Variants in MAPKBP1 observed in about 807,000 individuals in gnomAD.
MAPKBP1 encodes mitogen-activated protein kinase-binding protein 1.
Under a neutral mutation model 170.5 loss-of-function variants are expected in MAPKBP1, and 71 were observed. That is an observed-to-expected ratio of 0.42 (90% CI 0.34 to 0.51). The LOEUF is 0.51. Among genes scored for constraint, MAPKBP1 ranks in the 20% least tolerant of loss-of-function variants. The pLI, the probability that MAPKBP1 is intolerant of heterozygous loss-of-function variation, is 0.06. For missense variants in MAPKBP1, 1,598 were observed against 1,933.0 expected (o/e 0.83, Z 3.25); for synonymous variants, 719 against 757.9 (o/e 0.95, Z 0.84).
intron 2 of MAPKBP1, 115 bp downstream of exon 2, chr15:41,775,504 G>A (rs1266186643): frequency 1.4e-6 from 1 of 724,316 alleles, no homozygotes; most frequent in Non-Finnish European, 2.4e-6. Flanking sequence ...GACTCTAAAG[G>A]ATCACATATG....
chr15:41,819,555 G>GGGGGGGGGGGGGC, intron 21 of MAPKBP1, 40 bp from the exon 22 acceptor site: 1 of 1,478,514 alleles, frequency 6.8e-7, no homozygotes, highest in South Asian at 1.2e-5. Flanking sequence ...GGCGGGGGGG[G>GGGGGGGGGGGGGC]GGCAGGAGAC....
intron 22 of MAPKBP1, 30 bp from the exon 23 acceptor site, chr15:41,820,802 A>G: frequency 6.5e-7 from 1 of 1,540,088 alleles, no homozygotes; most frequent in Non-Finnish European, 9.0e-7. Context: ...GGTTGTTGTT[A>G]CTCCTCCCCC....
chr15:41,780,246 A>T (rs2064162576), intron 2 of MAPKBP1, among the ~76,000 whole-genome samples: 1 of 152,122 alleles, frequency 6.6e-6, no homozygotes, highest in South Asian at 2.1e-4. Context: ...GGTATTTTGA[A>T]TGTCTTTCAT....
intron 3 of MAPKBP1, among the ~76,000 whole-genome samples, chr15:41,801,151 G>A (rs1378442633): frequency 6.6e-6 from 1 of 152,210 alleles, no homozygotes; most frequent in Non-Finnish European, 1.5e-5. Context: ...TTCTTCAGTT[G>A]ATGGACATTT....
chr15:41,788,104 C>T (rs988467825), intron 2 of MAPKBP1, among the ~76,000 whole-genome samples: 3 of 151,968 alleles, frequency 2.0e-5, no homozygotes, highest in East Asian at 1.9e-4. Flanking sequence ...ATTACAGGCA[C>T]GTACCACCAT....
rs1169306720 is a variant in MAPKBP1, at chr15:41,817,250, G to A, written c.1712-138G>A. On this transcript the variant is annotated intron_variant, in intron 14 of 30. Transcript: ENST00000457542. This position sits in a 1 kb window ranked among gnomAD's most constrained non-coding sequence, Gnocchi z 4.2. ...GAGGATAAGGAGACAGGAAAACCTGGGTTTCCAGGTTTAATTTAGTTGGTT... is the reference window on the plus strand; with the variant it reads ...GAGGATAAGGAGACAGGAAAACCTGAGTTTCCAGGTTTAATTTAGTTGGTT... The A allele has an allele frequency of 2.5e-6, 3 of 1,191,926 alleles. No individual in the cohort carries two copies. Among genetic ancestry groups the A allele is most frequent in the Middle Eastern group, 2.0e-4 (1 of 5,116 alleles). The allele number at this position is 1,191,926 out of a possible 1,614,324, so 73.8% of individuals were successfully genotyped here.
At position 41,812,002 on chromosome 15, in the gene MAPKBP1, A is replaced by G. The variant is rs1432605677; in HGVS notation, c.373A>G (p.Ser125Gly). The G allele has an allele frequency of 1.2e-6, 2 of 1,613,982 alleles. No individual in the cohort carries two copies. Among genetic ancestry groups the G allele is most frequent in the African/African-American group, 1.3e-5 (1 of 74,894 alleles). The stretch of plus-strand genomic sequence containing the variant: ...GCGGGTTTGGGACGTGGCAGAGCAC[A>G]GCCAGGTGGCCGAGCTGCAGGAGCA... ...AVRVWDVAEHSQVAELQEHKY... is the reference protein window; with the variant it reads ...AVRVWDVAEHGQVAELQEHKY... The change falls in exon 6 of 31, where the codon AGC becomes GGC. Residue 125 changes from serine (S) to glycine (G), a missense_variant. Ser to Gly is a moderately conservative substitution (Grantham distance 56). This residue lies in a region of MAPKBP1 where 151 missense variants were observed against 191.4 expected (regional missense o/e 0.79). Transcript: ENST00000457542.
chr15:41,820,811 C>T, intron 22 of MAPKBP1, 21 bp from the exon 23 acceptor site: 1 of 1,590,498 alleles, frequency 6.3e-7, no homozygotes, highest in Non-Finnish European at 8.6e-7. Flanking sequence ...TACTCCTCCC[C>T]CACCCCCTAC....
chr15:41,806,662 T>C (rs1220087936), intron 3 of MAPKBP1, among the ~76,000 whole-genome samples: 1 of 152,192 alleles, frequency 6.6e-6, no homozygotes, highest in Non-Finnish European at 1.5e-5. Flanking sequence ...GCAGCCGCCC[T>C]GCACCCTCAG....
intron 22 of MAPKBP1, among the ~76,000 whole-genome samples, chr15:41,819,936 G>A (rs2064966461): frequency 6.6e-6 from 1 of 152,200 alleles, no homozygotes; most frequent in African/African-American, 2.4e-5. Context: ...GCTGCCTGGT[G>A]CCTGGAAGTA....
rs2064823165 is a variant in MAPKBP1, at chr15:41,812,581, T to C, written c.564T>C (p.Asp188=). 1 of 1,614,098 alleles carries C rather than the reference T, an allele frequency of 6.2e-7. No individual in the cohort carries two copies. Among genetic ancestry groups the C allele is most frequent in the South Asian group, 1.1e-5 (1 of 91,068 alleles). The change falls in exon 7 of 31, where the codon GAT becomes GAC. Residue 188 remains aspartate (D), a synonymous_variant. Transcript: ENST00000457542. ...TGACAGCAGTGTCCTTCTCTGAGGATTGCAGCTACTTTGTCACTGCAGGCA... is the reference window on the plus strand; with the variant it reads ...TGACAGCAGTGTCCTTCTCTGAGGACTGCAGCTACTTTGTCACTGCAGGCA... ...SRVTAVSFSE[D]CSYFVTAGNR...
In MAPKBP1 at chr15:41,817,994, C is replaced by A; in HGVS notation, c.1905-15C>A. ...TCACCGCCTCCTCATGAGAAAGAGACTATGTTTCTTACAGGATATTTAACA... is the reference window on the plus strand; with the variant it reads ...TCACCGCCTCCTCATGAGAAAGAGAATATGTTTCTTACAGGATATTTAACA... On this transcript the variant is annotated splice_polypyrimidine_tract_variant and intron_variant, in intron 16 of 30. Coordinates refer to ENST00000457542, the MANE Select transcript of MAPKBP1 (RefSeq NM_014994.3). This position sits in a 1 kb window ranked among gnomAD's most constrained non-coding sequence, Gnocchi z 4.2. 1 of 1,613,490 alleles carries A rather than the reference C, an allele frequency of 6.2e-7. No homozygotes were observed. The highest frequency in any genetic ancestry group is 1.1e-5 in the South Asian group (1 of 91,066).
intron 2 of MAPKBP1, among the ~76,000 whole-genome samples, chr15:41,779,262 G>A (rs1477183199): frequency 6.6e-6 from 1 of 152,206 alleles, no homozygotes; most frequent in African/African-American, 2.4e-5. Flanking sequence ...CCAGGCTGGA[G>A]TACAGTGGCG....
At chr15:41,808,265 C>T (rs536194758) in intron 3 of MAPKBP1, among the ~76,000 whole-genome samples, 181 of 151,396 alleles carry the variant, frequency 1.2e-3, no homozygotes, top group African/African-American at 3.4e-3. Flanking sequence ...CGCCACCACG[C>T]CTGGCTAATT....
In MAPKBP1 at chr15:41,823,911, G is replaced by T; in HGVS notation, c.4063G>T (p.Ala1355Ser). The part of the protein sequence containing the change: ...TTPKPRTECQ[A>S]HPGPSSPCAQ... The stretch of plus-strand genomic sequence containing the variant: ...TCCCAAGCCTAGGACAGAGTGCCAG[G>T]CTCATCCTGGGCCCAGCAGCCCCTG... Residue 1355 changes from alanine (A) to serine (S), a missense_variant, in exon 29 of 31, where the codon GCT (alanine) becomes TCT (serine). By Grantham distance (99) the Ala-to-Ser change is moderately conservative. Coordinates refer to ENST00000457542, the MANE Select transcript of MAPKBP1 (RefSeq NM_014994.3). 6.2e-7 allele frequency: 1 copy of T among 1,614,128 alleles called. No individual in the cohort carries two copies.
At chr15:41,811,660 T>A in intron 5 of MAPKBP1, 2 of 635,310 alleles carry the variant, frequency 3.1e-6, no homozygotes, top group South Asian at 1.5e-5. Flanking sequence ...TAGACCTGAG[T>A]GGTAGTGGCT....
At chr15:41,794,839 G>A (rs2064459077) in intron 2 of MAPKBP1, among the ~76,000 whole-genome samples, 1 of 152,162 alleles carries the variant, frequency 6.6e-6, no homozygotes, top group South Asian at 2.1e-4. Context: ...ATCAATGTTG[G>A]GTTGTTACCT....
chr15:41,815,496 C>A, intron 11 of MAPKBP1, 91 bp downstream of exon 11: 2 of 1,564,032 alleles, frequency 1.3e-6, no homozygotes, highest in Non-Finnish European at 1.7e-6. Context: ...GGTCCCTAGG[C>A]CTTGGCCTTC....
chr15:41,814,685 A>G lies in MAPKBP1; in HGVS notation c.1116A>G (p.Lys372=), dbSNP rs552513611. 12 of 1,614,214 alleles carry G rather than the reference A, an allele frequency of 7.4e-6. No individual in the cohort carries two copies. In the South Asian group the frequency reaches 1.1e-4, roughly 15 times the overall value. The change falls in exon 10 of 31, where the codon AAA becomes AAG. Residue 372 remains lysine, a synonymous_variant. Coordinates refer to ENST00000457542, the MANE Select transcript of MAPKBP1 (RefSeq NM_014994.3). The part of the protein sequence containing the change: ...IYVWDVRDPK[K]VGKVYSALYH... Reference sequence around the variant, plus strand: ...TTTGGGATGTGAGGGACCCCAAGAAAGTGGGCAAGGTGTACTCGGCTCTGT... The same window carrying G: ...TTTGGGATGTGAGGGACCCCAAGAAGGTGGGCAAGGTGTACTCGGCTCTGT...
Sources: allele counts gnomAD v4.1 joint callset (sites outside exome capture counted in the v4.1 genomes callset), GRCh38; gene constraint gnomAD v4.1.1; regional missense constraint gnomAD v4.1.1; non-coding constraint Gnocchi (gnomAD v3.1); transcripts MANE v1.5; gene names NCBI Gene and HGNC (gene_info 2026-07-23, HGNC 2026-07-21).